UNC13C: variants seen among roughly 807,000 people sequenced by gnomAD.
UNC13C encodes unc-13 homolog C.
UNC13C carries 174 observed loss-of-function variants against 245.4 expected under a neutral mutation model. The observed-to-expected ratio is 0.71, with a 90% CI of 0.63 to 0.80. The LOEUF (loss-of-function observed/expected upper bound fraction) is 0.80. Ranked by LOEUF, UNC13C falls within the 30% of genes least tolerant of loss-of-function variation. UNC13C has a pLI of 0.00. For missense variants in UNC13C, 2,829 were observed against 2,602.9 expected (o/e 1.09, Z -1.89); for synonymous variants, 992 against 895.1 (o/e 1.11, Z -1.93).
At chr15:54,501,077 A>T (rs2141099578) in intron 22 of UNC13C, 99 bp downstream of exon 22, 1 of 1,252,350 alleles carries the variant, frequency 8.0e-7, no homozygotes, top group South Asian at 1.5e-5. Flanking sequence ...ACCCCATCCC[A>T]GTTTATTTGT....
At chr15:53,852,298 C>T in the UNC13C span, among the ~76,000 whole-genome samples, 1 of 152,134 alleles carries the variant, frequency 6.6e-6, no homozygotes, top group Non-Finnish European at 1.5e-5. Context: ...GGTAAAAACA[C>T]TTTTGAGTGT....
intron 4 of UNC13C, among the ~76,000 whole-genome samples, chr15:54,187,584 A>G (rs1897039): frequency 0.45 from 67,947 of 151,884 alleles, 15,833 homozygotes; most frequent in Middle Eastern, 0.58. Context: ...CTCCCTTTGC[A>G]TAGCTAACTC....
At chr15:53,875,126 CT>C in the UNC13C span, among the ~76,000 whole-genome samples, 1 of 152,108 alleles carries the variant, frequency 6.6e-6, no homozygotes. Context: ...ATGCATGTGA[CT>C]TTCCCCCACA....
At chr15:54,436,581 C>A (rs961683007) in intron 19 of UNC13C, among the ~76,000 whole-genome samples, 2 of 151,952 alleles carry the variant, frequency 1.3e-5, no homozygotes, top group South Asian at 2.1e-4. Flanking sequence ...CCAAACACTG[C>A]ATATTCTCAC....
chr15:54,111,943 C>A (rs928989977), intron 2 of UNC13C, among the ~76,000 whole-genome samples: 9 of 152,064 alleles, frequency 5.9e-5, no homozygotes, highest in African/African-American at 1.9e-4. Context: ...TATAGAGAAC[C>A]TTTTGCCACA....
intron 1 of UNC13C, among the ~76,000 whole-genome samples, chr15:53,983,837 C>A (rs1266871778): frequency 6.6e-6 from 1 of 151,914 alleles, no homozygotes; most frequent in South Asian, 2.1e-4. Flanking sequence ...GCTCCTCTTC[C>A]TAATTGCTTC....
At chr15:54,189,418 G>A (rs138931850) in intron 4 of UNC13C, among the ~76,000 whole-genome samples, 147 of 152,028 alleles carry the variant, frequency 9.7e-4, no homozygotes, top group African/African-American at 3.1e-3. Context: ...AAACAACAGC[G>A]TCATGACACC....
intron 19 of UNC13C, among the ~76,000 whole-genome samples, chr15:54,438,148 A>G (rs902269162): frequency 2.0e-5 from 3 of 151,928 alleles, no homozygotes; most frequent in African/African-American, 7.2e-5. Flanking sequence ...CATGTCTGGA[A>G]CAGCTCACAT....
intron 8 of UNC13C, among the ~76,000 whole-genome samples, chr15:54,253,143 A>T (rs1175024645): frequency 6.6e-6 from 1 of 152,212 alleles, no homozygotes. Context: ...GGTCTGACCA[A>T]TGGCCCATGC....
chr15:54,423,642 A>G (rs1412981208), intron 19 of UNC13C, among the ~76,000 whole-genome samples: 1 of 151,932 alleles, frequency 6.6e-6, no homozygotes, highest in African/African-American at 2.4e-5. Context: ...ATAGAAAGCC[A>G]TTATTGCCAG....
chr15:53,852,043 C>A, the UNC13C span, among the ~76,000 whole-genome samples: 5 of 152,196 alleles, frequency 3.3e-5, no homozygotes, highest in South Asian at 8.3e-4. Flanking sequence ...GGAACCCCAT[C>A]TTGAAGCTGG....
chr15:54,041,953 C>G (rs1485716964), intron 2 of UNC13C, among the ~76,000 whole-genome samples: 1 of 152,172 alleles, frequency 6.6e-6, no homozygotes, highest in Non-Finnish European at 1.5e-5. Context: ...GTTTCACAAT[C>G]CGATCGAGTA....
At chr15:54,159,230 G>C (rs188503535) in intron 4 of UNC13C, among the ~76,000 whole-genome samples, 1 of 152,186 alleles carries the variant, frequency 6.6e-6, no homozygotes, top group Non-Finnish European at 1.5e-5. Flanking sequence ...GAGTAAACAT[G>C]CTGATTCAAT....
the UNC13C span, among the ~76,000 whole-genome samples, chr15:53,935,004 A>G: frequency 1.3e-5 from 2 of 152,152 alleles, no homozygotes; most frequent in Non-Finnish European, 2.9e-5. Flanking sequence ...ATATATTCTC[A>G]TATCTATTTT....
chr15:54,141,237 G>A (rs998375420), intron 2 of UNC13C, among the ~76,000 whole-genome samples: 2 of 151,990 alleles, frequency 1.3e-5, no homozygotes, highest in Non-Finnish European at 2.9e-5. Context: ...TGCTGTAATA[G>A]TTTTCCATGT....
Position 54,363,542 on chromosome 15 carries a change from G to A in UNC13C, c.4713+25053G>A, listed in dbSNP as rs79389128. Among the ~76,000 whole-genome samples the A allele has an allele frequency of 4.2e-3, 638 of 152,310 alleles. 29 individuals carry two copies. In the East Asian group the frequency reaches 0.089, roughly 21 times the overall value. Reference sequence around the variant, plus strand: ...GGTTAAAGAAGAAAAGAGATGTTTTGTAAACCAAGTTAATGGATTTGGATT... The same window carrying A: ...GGTTAAAGAAGAAAAGAGATGTTTTATAAACCAAGTTAATGGATTTGGATT... On this transcript the variant is annotated intron_variant, in intron 17 of 32. Transcript: ENST00000260323.
chr15:54,030,074 A>T (rs561532841), intron 2 of UNC13C, among the ~76,000 whole-genome samples: 70 of 152,264 alleles, frequency 4.6e-4, no homozygotes, highest in African/African-American at 1.6e-3. Flanking sequence ...CTGCTGCTGC[A>T]GCAGCGGCAG....
intron 17 of UNC13C, among the ~76,000 whole-genome samples, chr15:54,372,250 A>T (rs1454878110): frequency 6.6e-6 from 1 of 152,122 alleles, no homozygotes; most frequent in Non-Finnish European, 1.5e-5. Context: ...GTATAAAATT[A>T]AAAAATATAG....
At chr15:53,839,804 T>C in the UNC13C span, among the ~76,000 whole-genome samples, 17 of 152,120 alleles carry the variant, frequency 1.1e-4, no homozygotes, top group Non-Finnish European at 1.9e-4. Flanking sequence ...ATATATACTA[T>C]TTTGGTTTTT....
Sources: allele counts gnomAD v4.1 joint callset (sites outside exome capture counted in the v4.1 genomes callset), GRCh38; gene constraint gnomAD v4.1.1; transcripts MANE v1.5; gene names NCBI Gene and HGNC (gene_info 2026-07-23, HGNC 2026-07-21).